The following OSBPL3 variants were observed in gnomAD, a reference collection of about 807,000 sequenced individuals.
OSBPL3 encodes oxysterol binding protein like 3, also known as oxysterol-binding protein-related protein 3.
OSBPL3 carries 65 observed loss-of-function variants against 120.1 expected under a neutral mutation model. That is an observed-to-expected ratio of 0.54 (90% confidence interval 0.44 to 0.67). OSBPL3 has a LOEUF of 0.67. Ranked by LOEUF, OSBPL3 falls within the 30% of genes least tolerant of loss-of-function variation. OSBPL3 has a pLI of 0.00. For synonymous variants in OSBPL3, 416 were observed against 402.6 expected, an observed-to-expected ratio of 1.03 and a Z score of -0.40; for missense variants, 1,004 against 1,082.1, an observed-to-expected ratio of 0.93 and a Z score of 1.01.
intron 12 of OSBPL3, among the ~76,000 whole-genome samples, chr7:24,845,384 TAAAAAAAAAAAA>T (rs34559902): frequency 2.4e-4 from 15 of 62,262 alleles, no homozygotes; most frequent in South Asian, 8.5e-4. Context: ...GCAAAATAAG[TAAAAAAAAAAAA>T]AAAAAAAAAA....
At position 24,820,521 on chromosome 7, in the gene OSBPL3, G is replaced by A. The variant is rs115903227; in HGVS notation, c.1885-283C>T. ...GGTGGCGAGTGATGAGGATAGAGGC[G>A]CATTTTGAAAGACATAAAAATAAAA... On this transcript the variant is annotated intron_variant, in intron 16 of 22. Transcript: ENST00000313367. The surrounding 1 kb of genome is among the most constrained non-coding windows in gnomAD (Gnocchi z 4.6). Among the ~76,000 whole-genome samples, 713 of 152,188 alleles carry A rather than the reference G, an allele frequency of 4.7e-3. 10 individuals are homozygous for A. Among genetic ancestry groups the A allele is most frequent in the African/African-American group, 0.016 (677 of 41,518 alleles).
Position 24,834,236 on chromosome 7 carries a change from C to A in OSBPL3, c.1746+250G>T. The A allele has an allele frequency of 8.1e-7, 1 of 1,236,242 alleles. No individual in the cohort carries two copies. The highest frequency in any genetic ancestry group is 1.0e-6 in the Non-Finnish European group (1 of 977,772). The allele number at this position is 1,236,242 out of a possible 1,614,324, so 76.6% of individuals were successfully genotyped here. On this transcript the variant is annotated intron_variant, in intron 15 of 22. Coordinates refer to ENST00000313367, the MANE Select transcript of OSBPL3 (RefSeq NM_015550.4). The surrounding 1 kb of genome is among the most constrained non-coding windows in gnomAD (Gnocchi z 5.2). ...TTCTGGAGAAAGAGGAAGCACAAAC[C>A]CACAGAACAGAACTACCCCAGGCAC... is the stretch of plus-strand genomic sequence containing the variant.
chr7:24,846,099 T>C (rs561772784), intron 12 of OSBPL3, among the ~76,000 whole-genome samples: 1 of 152,324 alleles, frequency 6.6e-6, no homozygotes, highest in Non-Finnish European at 1.5e-5. Context: ...TGAACCATAA[T>C]CTTTATTTCT....
At position 24,955,602 on chromosome 7, in the gene OSBPL3, A is replaced by C. The variant is rs145007356; in HGVS notation, c.-150+24284T>G. Among the ~76,000 whole-genome samples, 1 of 152,306 alleles carries C rather than the reference A, an allele frequency of 6.6e-6. No homozygotes were observed. Among genetic ancestry groups the C allele is most frequent in the African/African-American group, 2.4e-5 (1 of 41,560 alleles). ...CTGCTCAAATGTCACCTTATCAGAG[A>C]GGCCTTTGGCCATTTCTATGTAAAA... is the stretch of plus-strand genomic sequence containing the variant. On this transcript the variant is annotated intron_variant, in intron 1 of 22. Transcript: ENST00000313367. The surrounding 1 kb of genome is among the most constrained non-coding windows in gnomAD (Gnocchi z 4.3).
At chr7:24,874,948 G>A (rs1347178021) in intron 2 of OSBPL3, among the ~76,000 whole-genome samples, 1 of 152,146 alleles carries the variant, frequency 6.6e-6, no homozygotes, top group Non-Finnish European at 1.5e-5. Flanking sequence ...GCTCCCTCGG[G>A]GACACTGTGG....
In OSBPL3 at chr7:24,808,045, T is replaced by A. The variant is rs1487189220; in HGVS notation, c.2318-1143A>T. 6.6e-6 allele frequency among the ~76,000 whole-genome samples: 1 copy of A among 152,106 alleles called. No homozygotes were observed. Among genetic ancestry groups the A allele is most frequent in the Non-Finnish European group, 1.5e-5 (1 of 68,012 alleles). On this transcript the variant is annotated intron_variant, in intron 20 of 22. Transcript: ENST00000313367. The surrounding 1 kb of genome is among the most constrained non-coding windows in gnomAD (Gnocchi z 4.6). ...CCTGAGTAGCTGGGACTACAGTAGA[T>A]GCACACCACCATGCCTGGCTAATCT... is the stretch of plus-strand genomic sequence containing the variant.
intron 16 of OSBPL3, among the ~76,000 whole-genome samples, chr7:24,825,447 A>T (rs994254083): frequency 6.6e-6 from 1 of 152,212 alleles, no homozygotes; most frequent in African/African-American, 2.4e-5. Context: ...AGAGTGAATC[A>T]CTTATCTCAT....
chr7:24,836,078 A>G (rs1372784839), intron 14 of OSBPL3, among the ~76,000 whole-genome samples: 1 of 152,150 alleles, frequency 6.6e-6, no homozygotes, highest in East Asian at 1.9e-4. Context: ...AGAGTTTAAT[A>G]AATCATTTTT....
chr7:24,825,019 T>A (rs1013470925), intron 16 of OSBPL3, among the ~76,000 whole-genome samples: 13 of 152,106 alleles, frequency 8.5e-5, no homozygotes, highest in Non-Finnish European at 1.6e-4. Flanking sequence ...GTAGGAGAAG[T>A]GTCTGAGGGT....
At position 24,805,850 on chromosome 7, in the gene OSBPL3, A is replaced by C. The variant is rs1222629284; in HGVS notation, c.2444+926T>G. ...TGGGTTGATCTGTTACTAGATTTCTAGAGGCAATTCATGACATGAGTTGCA... is the reference window on the plus strand; with the variant it reads ...TGGGTTGATCTGTTACTAGATTTCTCGAGGCAATTCATGACATGAGTTGCA... On this transcript the variant is annotated intron_variant, in intron 21 of 22. Transcript: ENST00000313367. The surrounding 1 kb of genome is among the most constrained non-coding windows in gnomAD (Gnocchi z 4.0). 6.6e-6 allele frequency among the ~76,000 whole-genome samples: 1 copy of C among 152,232 alleles called. No individual in the cohort carries two copies. The highest frequency in any genetic ancestry group is 6.5e-5 in the Admixed American group (1 of 15,286).
In OSBPL3 at chr7:24,872,045, G is replaced by C. The variant is rs1211503521; in HGVS notation, c.121C>G (p.Leu41Val). 6.2e-7 allele frequency: 1 copy of C among 1,612,912 alleles called. No individual in the cohort carries two copies. The highest frequency in any genetic ancestry group is 8.5e-7 in the Non-Finnish European group (1 of 1,179,094). Residue 41 changes from leucine to valine, a missense_variant, in exon 3 of 23, where the codon CTG (leucine) becomes GTG (valine). Around this residue, in one of 4 missense-constraint regions of OSBPL3, gnomAD observed 255 missense variants for 248.7 expected, o/e 1.03. Transcript: ENST00000313367. The surrounding 1 kb of genome is among the most constrained non-coding windows in gnomAD (Gnocchi z 4.1). The stretch of plus-strand genomic sequence containing the variant: ...TGGGTGTAATTCATCTCCCCCCTCA[G>C]TCCTTCCACCACTTCCCAGCTGTCC... ...RQDSWEVVEG[L>V]RGEMNYTQEP... is the part of the protein sequence containing the mutation.
intron 20 of OSBPL3, among the ~76,000 whole-genome samples, 200 bp downstream of exon 20, chr7:24,809,607 A>G (rs1793510890): frequency 6.6e-6 from 1 of 152,164 alleles, no homozygotes; most frequent in African/African-American, 2.4e-5. Context: ...CCAGCAGCCC[A>G]GCAGAGGTGT....
At position 24,877,262 on chromosome 7, in the gene OSBPL3, A is replaced by AGTGCAGTATGGATGGAGGCAAGTAAG. The variant is rs1279623041; in HGVS notation, c.97-5219_97-5194dup. Among the ~76,000 whole-genome samples the AGTGCAGTATGGATGGAGGCAAGTAAG allele has an allele frequency of 2.0e-5, 3 of 152,240 alleles. No homozygotes were observed. The highest frequency in any genetic ancestry group is 2.9e-5 in the Non-Finnish European group (2 of 68,044). On this transcript the variant is annotated intron_variant, in intron 2 of 22. Coordinates refer to ENST00000313367, the MANE Select transcript of OSBPL3 (RefSeq NM_015550.4). This position sits in a 1 kb window ranked among gnomAD's most constrained non-coding sequence, Gnocchi z 4.8. ...AGACAATTGGAAGGAGTTAAGAAACAGTGCAGTATGGATGGAGGCAAGTAA... is the reference window on the plus strand; with the variant it reads ...AGACAATTGGAAGGAGTTAAGAAACAGTGCAGTATGGATGGAGGCAAGTAAGGTGCAGTATGGATGGAGGCAAGTAA...
Position 24,880,587 on chromosome 7 carries a change from T to C in OSBPL3, c.97-8518A>G, listed in dbSNP as rs77187992. On this transcript the variant is annotated intron_variant, in intron 2 of 22. Coordinates refer to ENST00000313367, the MANE Select transcript of OSBPL3 (RefSeq NM_015550.4). ...TTGCCTTCAAAGTACACCATAATGA[T>C]TGGCTTTCCTGTACCATCATGGAAT... 4.6e-3 allele frequency among the ~76,000 whole-genome samples: 695 copies of C among 152,338 alleles called. 3 individuals are homozygous for C. The highest frequency in any genetic ancestry group is 0.011 in the South Asian group (52 of 4,826).
chr7:24,943,177 G>A (rs1052669037), intron 1 of OSBPL3, among the ~76,000 whole-genome samples: 8 of 152,240 alleles, frequency 5.3e-5, no homozygotes, highest in East Asian at 1.9e-4. Flanking sequence ...CCAGGGGTTC[G>A]TGAATTCACT....
At chr7:24,858,277 A>T (rs974117229) in intron 10 of OSBPL3, among the ~76,000 whole-genome samples, 4 of 152,234 alleles carry the variant, frequency 2.6e-5, no homozygotes, top group African/African-American at 9.6e-5. Context: ...CCTTTAGTTC[A>T]GCTGCTTTGG....
intron 1 of OSBPL3, among the ~76,000 whole-genome samples, chr7:24,917,382 C>CAT (rs1266832261): frequency 1.2e-4 from 12 of 97,028 alleles, no homozygotes; most frequent in South Asian, 4.3e-4. Context: ...ATATTTGTAA[C>CAT]ATATATATAT....
Position 24,863,426 on chromosome 7 carries a change from G to C in OSBPL3, c.777+70C>G. On this transcript the variant is annotated intron_variant, in intron 8 of 22. Transcript: ENST00000313367. The surrounding 1 kb of genome is among the most constrained non-coding windows in gnomAD (Gnocchi z 5.8). The stretch of plus-strand genomic sequence containing the variant: ...AACTGACCACAGCATCCCACTGTTA[G>C]TGAAAGGCTGGGAGGAGAAAGGAAA... The C allele has an allele frequency of 7.0e-7, 1 of 1,423,572 alleles. No individual in the cohort carries two copies. Among genetic ancestry groups the C allele is most frequent in the Admixed American group, 1.7e-5 (1 of 59,728 alleles). The allele number at this position is 1,423,572 out of a possible 1,614,324, so 88.2% of individuals were successfully genotyped here.
chr7:24,828,622 G>GA (rs544011465), intron 16 of OSBPL3, among the ~76,000 whole-genome samples: 39 of 79,874 alleles, frequency 4.9e-4, no homozygotes, highest in South Asian at 4.8e-3. Flanking sequence ...AAAAAAAAAA[G>GA]AAAAAAAAAA....
Sources: gnomAD v4.1 joint callset for allele counts (sites outside exome capture counted in the v4.1 genomes callset) on GRCh38, gnomAD v4.1.1 for gene constraint, gnomAD v4.1.1 regional missense constraint, Gnocchi (gnomAD v3.1) non-coding constraint, MANE v1.5 for transcripts, NCBI Gene and HGNC (gene_info 2026-07-23, HGNC 2026-07-21) for gene names.